DSE: variants seen among roughly 807,000 people sequenced by gnomAD.
DSE encodes dermatan sulfate epimerase.
In DSE, 36 loss-of-function variants were observed where a neutral mutation model predicts 84.4. That is an observed-to-expected ratio of 0.43 (90% confidence interval 0.33 to 0.56). DSE has a LOEUF of 0.56. DSE is among the 20% of genes least tolerant of loss of function. The probability of loss-of-function intolerance (pLI) is 0.06; values close to 1 mark genes in which losing one functional copy is unlikely to be tolerated. For missense variants in DSE, 862 were observed against 1,169.6 expected (o/e 0.74, Z 3.84); for synonymous variants, 410 against 430.1 (o/e 0.95, Z 0.58).
intron 2 of DSE, among the ~76,000 whole-genome samples, chr6:116,299,650 A>G (rs1774919651): frequency 7.2e-6 from 1 of 139,802 alleles, no homozygotes; most frequent in African/African-American, 2.9e-5. Flanking sequence ...ATAAAGAGAT[A>G]GAGATAGATG....
intron 2 of DSE, among the ~76,000 whole-genome samples, chr6:116,259,507 T>C (rs1423272710): frequency 1.3e-5 from 2 of 152,234 alleles, no homozygotes; most frequent in Non-Finnish European, 2.9e-5. Context: ...ACATCTTTTT[T>C]CCCCACATTT....
Position 116,364,864 on chromosome 6 carries a change from A to T in DSE, c.-53-34334A>T, listed in dbSNP as rs1369438531. Among the ~76,000 whole-genome samples, 3 of 115,510 alleles carry T rather than the reference A, an allele frequency of 2.6e-5. No individual in the cohort carries two copies. The Admixed American group carries it at 3.2e-4, about 12-fold the overall frequency. 75.8% of individuals were successfully genotyped at this position (115,510 alleles called of 152,430 possible). On this transcript the variant is annotated intron_variant, in intron 2 of 3. Coordinates refer to the DSE transcript ENST00000430252. The stretch of plus-strand genomic sequence containing the variant: ...TTTTTTTTTTTTGACACCGAGTTTC[A>T]CTCTTGTTGCCCAGGCTGGAGTGCA...
At chr6:116,306,429 T>C (rs1326420817) in intron 2 of DSE, among the ~76,000 whole-genome samples, 2 of 152,096 alleles carry the variant, frequency 1.3e-5, no homozygotes, top group Non-Finnish European at 2.9e-5. Flanking sequence ...TACAATCAGG[T>C]CTCATCCTAA....
chr6:116,419,881 G>T (rs1782958532), intron 2 of DSE, among the ~76,000 whole-genome samples: 1 of 152,136 alleles, frequency 6.6e-6, no homozygotes, highest in Non-Finnish European at 1.5e-5. Context: ...AAAGAAGATG[G>T]ATCATTTTAT....
chr6:116,370,484 GGCACCAGTCCCGGTA>G, upstream of DSE: 1 of 986,584 alleles, frequency 1.0e-6, no homozygotes, highest in Non-Finnish European at 1.2e-6. Context: ...GACTGGAGTG[GGCACCAGTCCCGGTA>G]GTAAGAGTCT....
intron 2 of DSE, among the ~76,000 whole-genome samples, chr6:116,296,811 G>A (rs893148089): frequency 2.0e-5 from 3 of 152,288 alleles, no homozygotes; most frequent in Non-Finnish European, 4.4e-5. Flanking sequence ...ATGAGAATCT[G>A]TTTGGATTTT....
At chr6:116,264,450 A>G (rs1033021452) in intron 2 of DSE, among the ~76,000 whole-genome samples, 1 of 152,030 alleles carries the variant, frequency 6.6e-6, no homozygotes, top group Non-Finnish European at 1.5e-5. Context: ...AGTCTTTTCT[A>G]TACTGGCTAT....
chr6:116,435,613 C>T lies in DSE; in HGVS notation c.1145C>T (p.Pro382Leu). Reference protein sequence around the residue: ...LWYDGSLKSVPPPDFGTPTLH... With the variant: ...LWYDGSLKSVLPPDFGTPTLH... ...TATGATGGCAGCTTGAAATCGGTTCCTCCTCCAGACTTTGGCACCCCTACA... is the reference window on the plus strand; with the variant it reads ...TATGATGGCAGCTTGAAATCGGTTCTTCCTCCAGACTTTGGCACCCCTACA... The change falls in exon 6 of 6, where the codon CCT (proline) becomes CTT (leucine). Residue 382 changes from proline to leucine, a missense_variant. Pro to Leu is a moderately conservative substitution (Grantham distance 98). This residue lies in a region of DSE where 309 missense variants were observed against 516.9 expected (regional missense o/e 0.60). Coordinates refer to ENST00000644252, the MANE Select transcript of DSE (RefSeq NM_013352.4). 6.3e-7 allele frequency: 1 copy of T among 1,580,930 alleles called. No homozygotes were observed. Among genetic ancestry groups the T allele is most frequent in the Non-Finnish European group, 8.6e-7 (1 of 1,163,794 alleles).
chr6:116,261,961 G>T (rs1483229126), intron 2 of DSE, among the ~76,000 whole-genome samples: 2 of 152,184 alleles, frequency 1.3e-5, no homozygotes, highest in African/African-American at 4.8e-5. Flanking sequence ...GATCATGGTG[G>T]ATAAGCTTTT....
At position 116,421,275 on chromosome 6, in the gene DSE, A is replaced by G. The variant is rs558305470; in HGVS notation, c.417-5299A>G. On this transcript the variant is annotated intron_variant, in intron 2 of 5. Coordinates refer to ENST00000644252, the MANE Select transcript of DSE (RefSeq NM_013352.4). ...TGTACTCTTAAAAATTAATGAGGACATCAAACAGCTTTGTTTATTTGGGCT... is the reference window on the plus strand; with the variant it reads ...TGTACTCTTAAAAATTAATGAGGACGTCAAACAGCTTTGTTTATTTGGGCT... Among the ~76,000 whole-genome samples the G allele has an allele frequency of 1.3e-4, 20 of 151,962 alleles. No homozygotes were observed. In the East Asian group the frequency reaches 3.1e-3, roughly 23 times the overall value.
chr6:116,265,836 G>A (rs112943495), intron 2 of DSE, among the ~76,000 whole-genome samples: 30 of 152,290 alleles, frequency 2.0e-4, no homozygotes, highest in African/African-American at 7.0e-4. Flanking sequence ...GCCTAGAGGG[G>A]ACAGCCTTCC....
chr6:116,415,647 T>C (rs896340951), intron 2 of DSE, among the ~76,000 whole-genome samples: 3 of 152,066 alleles, frequency 2.0e-5, no homozygotes, highest in South Asian at 2.1e-4. Flanking sequence ...CTTACTTTTT[T>C]TGCATTTTCA....
At chr6:116,391,593 C>T (rs1780906607) in intron 1 of DSE, among the ~76,000 whole-genome samples, 1 of 151,742 alleles carries the variant, frequency 6.6e-6, no homozygotes. Flanking sequence ...GGTGAAACCC[C>T]GTCTCTACTA....
intron 2 of DSE, among the ~76,000 whole-genome samples, chr6:116,310,621 T>C (rs901545298): frequency 6.6e-6 from 1 of 152,178 alleles, no homozygotes; most frequent in Non-Finnish European, 1.5e-5. Flanking sequence ...ATGTTCAGTC[T>C]ACCAACAACT....
intron 2 of DSE, among the ~76,000 whole-genome samples, chr6:116,424,879 A>G (rs1173507420): frequency 6.6e-6 from 1 of 152,222 alleles, no homozygotes; most frequent in African/African-American, 2.4e-5. Flanking sequence ...AGAACATTTT[A>G]AAGTATTTGT....
intron 2 of DSE, among the ~76,000 whole-genome samples, chr6:116,360,152 A>G (rs1229344244): frequency 6.6e-6 from 1 of 152,186 alleles, no homozygotes; most frequent in Non-Finnish European, 1.5e-5. Context: ...GAGCTGAATG[A>G]TAAGAACACA....
rs555252139 is a variant in DSE, at chr6:116,428,430, T to C, written c.670+1603T>C. On this transcript the variant is annotated intron_variant, in intron 3 of 5. Transcript: ENST00000644252. ...ATTTAAGGGAAGGAGTAGAGTTTAT[T>C]TCTTCAGTCTTTGTAAATAACATTA... Among the ~76,000 whole-genome samples the C allele has an allele frequency of 2.9e-4, 44 of 152,334 alleles. 1 individual carries two copies. The South Asian group carries it at 3.1e-3, about 11-fold the overall frequency.
intron 2 of DSE, chr6:116,278,240 C>A (rs888690960): frequency 2.3e-5 from 10 of 438,676 alleles, no homozygotes; most frequent in African/African-American, 1.6e-4. Flanking sequence ...GCAGTACAAT[C>A]TACAGTATCA....
intron 1 of DSE, chr6:116,255,564 C>T (rs1012333018): frequency 3.3e-5 from 5 of 152,318 alleles, no homozygotes; most frequent in African/African-American, 1.2e-4. Context: ...TTTTTCTCTC[C>T]CTCTTTCCTC....
Sources: allele counts gnomAD v4.1 joint callset (sites outside exome capture counted in the v4.1 genomes callset), GRCh38; gene constraint gnomAD v4.1.1; regional missense constraint gnomAD v4.1.1; transcripts MANE v1.5; gene names NCBI Gene and HGNC (gene_info 2026-07-23, HGNC 2026-07-21).